LEPR: variants seen among roughly 807,000 people sequenced by gnomAD.
LEPR encodes leptin receptor.
Under a neutral mutation model 114.7 loss-of-function variants are expected in LEPR, and 56 were observed. The observed-to-expected ratio is 0.49, with a 90% CI of 0.39 to 0.61. The LOEUF is 0.61. LEPR is among the 20% of genes least tolerant of loss of function. LEPR has a pLI of 0.00. For synonymous variants in LEPR, 443 were observed against 461.4 expected, an observed-to-expected ratio of 0.96 and a Z score of 0.51; for missense variants, 1,202 against 1,352.9, an observed-to-expected ratio of 0.89 and a Z score of 1.75.
rs544828356 is a variant in LEPR, at chr1:65,623,629, A to G, written c.2673+648A>G. 3.3e-5 allele frequency among the ~76,000 whole-genome samples: 5 copies of G among 152,314 alleles called. No homozygotes were observed. The East Asian group carries it at 9.6e-4, about 29-fold the overall frequency. On this transcript the variant is annotated intron_variant, in intron 19 of 19. Coordinates refer to ENST00000349533, the MANE Select transcript of LEPR (RefSeq NM_002303.6). ...TAGCTTTCCACTCATAAAACTGGAA[A>G]AATAGAATTCAGTCAAGTCAAAATA...
At chr1:65,594,402 AG>A (rs752739549) in intron 6 of LEPR, among the ~76,000 whole-genome samples, 6 of 152,178 alleles carry the variant, frequency 3.9e-5, no homozygotes, top group Non-Finnish European at 8.8e-5. Flanking sequence ...GGAGAAGTAA[AG>A]AACTGTTTTG....
intron 2 of LEPR, among the ~76,000 whole-genome samples, chr1:65,549,688 A>G (rs1281346222): frequency 6.6e-6 from 1 of 151,872 alleles, no homozygotes; most frequent in Non-Finnish European, 1.5e-5. Context: ...ACTTCTCTGT[A>G]TTGGTTATTC....
chr1:65,515,159 A>G (rs1649223730), intron 2 of LEPR, among the ~76,000 whole-genome samples: 1 of 152,224 alleles, frequency 6.6e-6, no homozygotes, highest in Non-Finnish European at 1.5e-5. Flanking sequence ...AACATTCAGG[A>G]TGGCATAGCA....
rs1294683756 is a variant in LEPR at position 65,487,377 on chromosome 1, A to C, written c.-21+61999A>C. Among the ~76,000 whole-genome samples, 5 of 152,140 alleles carry C rather than the reference A, an allele frequency of 3.3e-5. No individual in the cohort carries two copies. The East Asian group carries it at 9.6e-4, about 29-fold the overall frequency. On this transcript the variant is annotated intron_variant, in intron 2 of 19. Coordinates refer to ENST00000349533, the MANE Select transcript of LEPR (RefSeq NM_002303.6). ...TGTCATATCTATTTTGAGTGTGGAA[A>C]GAACATTTTGCCTACTGTCTGTTTC...
At chr1:65,605,008 A>G (rs199594664) in intron 10 of LEPR, 30 bp from the exon 11 acceptor site, 1 of 1,606,464 alleles carries the variant, frequency 6.2e-7, no homozygotes, top group East Asian at 2.2e-5. Context: ...ATTAATGTAT[A>G]CTAATTGACT....
intron 5 of LEPR, chr1:65,578,313 A>C: frequency 4.3e-6 from 1 of 232,054 alleles, no homozygotes; most frequent in Non-Finnish European, 9.0e-6. Flanking sequence ...AACAAAAACC[A>C]AAACTGCACA....
In LEPR at chr1:65,637,203, A is replaced by C. The variant is rs886046507; in HGVS notation, c.*188A>C. The C allele has an allele frequency of 2.7e-5, 15 of 564,724 alleles. No individual in the cohort carries two copies. Among genetic ancestry groups the C allele is most frequent in the South Asian group, 1.1e-4 (4 of 37,176 alleles). 35.0% of individuals were successfully genotyped at this position (564,724 alleles called of 1,614,324 possible). On this transcript the variant is annotated 3_prime_UTR_variant, in exon 20 of 20. Transcript: ENST00000349533. Reference sequence around the variant, plus strand: ...AATTTGAGAAAGCCTTCATAAGCCTACCAATGTAGACACGCTCTTCTATTT... The same window carrying C: ...AATTTGAGAAAGCCTTCATAAGCCTCCCAATGTAGACACGCTCTTCTATTT...
rs35971550 is a variant in LEPR, at chr1:65,570,931, G to C, written c.370+129G>C. On this transcript the variant is annotated intron_variant, in intron 4 of 19. Coordinates refer to ENST00000349533, the MANE Select transcript of LEPR (RefSeq NM_002303.6). ...ATTTTTATATGGATAATAAAATTAG[G>C]ATTCATTATGTGAACAAACTAATAA... is the stretch of plus-strand genomic sequence containing the variant. The C allele has an allele frequency of 0.022, 16,580 of 761,514 alleles. 232 individuals carry two copies. The highest frequency in any genetic ancestry group is 0.03 in the Admixed American group (797 of 26,702). 47.2% of individuals were successfully genotyped at this position (761,514 alleles called of 1,614,324 possible).
intron 3 of LEPR, among the ~76,000 whole-genome samples, chr1:65,567,161 G>A (rs933282229): frequency 6.6e-6 from 1 of 152,150 alleles, no homozygotes; most frequent in African/African-American, 2.4e-5. Flanking sequence ...GATTCATTTG[G>A]AGGGAAAGAA....
chr1:65,570,631 G>T lies in LEPR; in HGVS notation c.199G>T (p.Ala67Ser). ...AAATTCGAATGGACATTATGAGACA[G>T]CTGTTGAACCTAAGTTTAATTCAAG... ...TSNSNGHYETAVEPKFNSSGT... is the reference protein window; with the variant it reads ...TSNSNGHYETSVEPKFNSSGT... Residue 67 changes from alanine (A) to serine (S), a missense_variant, in exon 4 of 20, where the codon GCT (alanine) becomes TCT (serine). Coordinates refer to ENST00000349533, the MANE Select transcript of LEPR (RefSeq NM_002303.6). 1.2e-6 allele frequency: 2 copies of T among 1,613,986 alleles called. No individual in the cohort carries two copies. Among genetic ancestry groups the T allele is most frequent in the South Asian group, 2.2e-5 (2 of 91,076 alleles).
intron 2 of LEPR, among the ~76,000 whole-genome samples, chr1:65,497,469 T>G (rs1346096937): frequency 6.6e-6 from 1 of 152,168 alleles, no homozygotes; most frequent in Non-Finnish European, 1.5e-5. Context: ...ACACCCTTCC[T>G]GTCTTGAGCT....
At chr1:65,602,008 A>G (rs1656471329) in intron 10 of LEPR, 48 bp downstream of exon 10, 1 of 1,488,106 alleles carries the variant, frequency 6.7e-7, no homozygotes, top group East Asian at 2.3e-5. Flanking sequence ...ACAGTGAGAT[A>G]AAAATTTTCT....
intron 12 of LEPR, among the ~76,000 whole-genome samples, chr1:65,609,439 C>T (rs927513483): frequency 1.3e-5 from 2 of 152,190 alleles, no homozygotes; most frequent in Non-Finnish European, 2.9e-5. Context: ...TGGCATTCCA[C>T]ATCAGCTTTG....
chr1:65,593,612 C>A (rs1487757447), intron 6 of LEPR, among the ~76,000 whole-genome samples: 1 of 152,046 alleles, frequency 6.6e-6, no homozygotes. Context: ...TTTGACATCA[C>A]TAGAGCTGCT....
At chr1:65,509,589 G>C (rs1454511249) in intron 2 of LEPR, among the ~76,000 whole-genome samples, 1 of 152,094 alleles carries the variant, frequency 6.6e-6, no homozygotes, top group East Asian at 1.9e-4. Flanking sequence ...ACAAGAAACA[G>C]GGCGTATGTT....
chr1:65,611,641 T>C (rs1657176825), intron 14 of LEPR, among the ~76,000 whole-genome samples: 1 of 152,226 alleles, frequency 6.6e-6, no homozygotes, highest in Non-Finnish European at 1.5e-5. Flanking sequence ...CAATATACTC[T>C]AGAACAAAAC....
At chr1:65,485,462 A>C (rs1303062300) in intron 2 of LEPR, among the ~76,000 whole-genome samples, 1 of 152,186 alleles carries the variant, frequency 6.6e-6, no homozygotes. Flanking sequence ...GGTGGGCCCC[A>C]AAGTCTGCAT....
chr1:65,570,420 G>A (rs1654071403), intron 3 of LEPR, 53 bp from the exon 4 acceptor site: 3 of 1,545,310 alleles, frequency 1.9e-6, no homozygotes, highest in Non-Finnish European at 2.7e-6. Context: ...TTCTATTCAT[G>A]TCTTAGTCAA....
chr1:65,543,463 T>C (rs1429270373), intron 2 of LEPR, among the ~76,000 whole-genome samples: 6 of 152,030 alleles, frequency 3.9e-5, no homozygotes, highest in African/African-American at 1.2e-4. Flanking sequence ...AGCTGAGCTG[T>C]TTAGTTTAAT....
Sources: allele counts gnomAD v4.1 joint callset (sites outside exome capture counted in the v4.1 genomes callset), GRCh38; gene constraint gnomAD v4.1.1; transcripts MANE v1.5; gene names NCBI Gene and HGNC (gene_info 2026-07-23, HGNC 2026-07-21).